The following WDFY4 variants were observed in gnomAD, a reference collection of about 807,000 sequenced individuals.
WDFY4 encodes the protein WDFY family member 4.
WDFY4 carries 169 observed loss-of-function variants against 351.9 expected under a neutral mutation model. The ratio of observed to expected loss-of-function variants is 0.48; its 90% CI spans 0.42 to 0.55. WDFY4 has a LOEUF of 0.55. WDFY4 is among the 20% of genes least tolerant of loss of function. WDFY4 has a pLI of 0.00. For missense variants in WDFY4, 3,803 were observed against 3,935.6 expected, an observed-to-expected ratio of 0.97 and a Z score of 0.90; for synonymous variants, 1,622 against 1,574.6, an observed-to-expected ratio of 1.03 and a Z score of -0.71.
At chr10:48,974,335 T>A (rs1222815802) in intron 57 of WDFY4, among the ~76,000 whole-genome samples, 1 of 151,276 alleles carries the variant, frequency 6.6e-6, no homozygotes, top group Admixed American at 6.6e-5. Flanking sequence ...AAACCCCATC[T>A]CCACTAAAAA....
rs1240413207 is a variant in WDFY4 at position 48,776,928 on chromosome 10, G to A, written c.3042G>A (p.Gln1014=). Residue 1014 remains glutamine, a synonymous_variant, in exon 16 of 62, where the codon CAG becomes CAA. Transcript: ENST00000325239. ...SMTSPRNLQP[Q]RAALAPSFVE... is the part of the protein sequence containing the mutation. ...CCTCCCCACGCAACCTGCAGCCTCA[G>A]AGGGCAGCCCTGGCCCCATCGTTTG... 6.4e-7 allele frequency: 1 copy of A among 1,552,324 alleles called. No homozygotes were observed. The highest frequency in any genetic ancestry group is 8.7e-7 in the Non-Finnish European group (1 of 1,147,118).
chr10:48,944,602 C>CTCAG (rs1421878972), intron 49 of WDFY4, among the ~76,000 whole-genome samples: 1 of 152,216 alleles, frequency 6.6e-6, no homozygotes, highest in Non-Finnish European at 1.5e-5. Context: ...GAGAAGGAGA[C>CTCAG]TCAGTCCTTT....
intron 1 of WDFY4, among the ~76,000 whole-genome samples, chr10:48,685,989 G>A (rs1182779805): frequency 6.6e-6 from 1 of 151,912 alleles, no homozygotes; most frequent in Non-Finnish European, 1.5e-5. Flanking sequence ...GTGGGTTTCT[G>A]AGAAGTGTTC....
intron 2 of WDFY4, among the ~76,000 whole-genome samples, chr10:48,712,260 A>T (rs1012863286): frequency 2.6e-5 from 4 of 152,218 alleles, no homozygotes; most frequent in Non-Finnish European, 5.9e-5. Context: ...TCAATGAGAA[A>T]CCATGAGGGT....
intron 13 of WDFY4, among the ~76,000 whole-genome samples, chr10:48,773,296 G>A (rs1427263517): frequency 6.6e-6 from 1 of 152,170 alleles, no homozygotes; most frequent in Non-Finnish European, 1.5e-5. Context: ...TCTGCATGGA[G>A]CACAGTAGCA....
chr10:48,777,462 ACT>A lies in WDFY4; in HGVS notation c.3143_3144del (p.Thr1048ArgfsTer38), dbSNP rs2066071295. 1 of 1,551,638 alleles carries A rather than the reference ACT, an allele frequency of 6.4e-7. No homozygotes were observed. The highest frequency in any genetic ancestry group is 2.0e-5 in the Admixed American group (1 of 50,990). ...PTLSTVMGTS[T>X]EYSVSGGIGT... The stretch of plus-strand genomic sequence containing the variant: ...CCTGTCCACAGTTATGGGAACCAGC[ACT>A]GAGTACTCTGTCTCTGGAGGAATTG... On this transcript the variant is annotated frameshift_variant, in exon 17 of 62. Coordinates refer to ENST00000325239, the MANE Select transcript of WDFY4 (RefSeq NM_001394531.1). LOFTEE classifies it high-confidence loss of function.
chr10:48,762,197 G>A (rs78430620), intron 13 of WDFY4, among the ~76,000 whole-genome samples: 4,386 of 152,320 alleles, frequency 0.029, 204 homozygotes, highest in African/African-American at 0.1. Flanking sequence ...TAAAAATATT[G>A]CAAGTCCTCT....
chr10:48,966,561 A>G lies in WDFY4; in HGVS notation c.8472A>G (p.Ala2824=), dbSNP rs1298735953. ...AACCTCACCCAGCCAGGACTGCAGC[A>G]GGGAAGCCTCTGCCTGGAAAGGATG... is the stretch of plus-strand genomic sequence containing the variant. ...FTKPHPARTA[A]GKPLPGKDVS... The change falls in exon 55 of 62, where the codon GCA becomes GCG. Residue 2824 remains alanine, a synonymous_variant. Transcript: ENST00000325239. 3.3e-5 allele frequency: 51 copies of G among 1,552,094 alleles called. No individual in the cohort carries two copies. Among genetic ancestry groups the G allele is most frequent in the Non-Finnish European group, 4.4e-5 (50 of 1,147,066 alleles).
At chr10:48,798,828 G>A (rs1235367383) in intron 24 of WDFY4, among the ~76,000 whole-genome samples, 1 of 152,198 alleles carries the variant, frequency 6.6e-6, no homozygotes, top group Non-Finnish European at 1.5e-5. Flanking sequence ...AGGCATAAGA[G>A]CCCTAAATAT....
chr10:48,733,204 G>A (rs770033333), intron 9 of WDFY4, among the ~76,000 whole-genome samples: 1 of 152,088 alleles, frequency 6.6e-6, no homozygotes, highest in Non-Finnish European at 1.5e-5. Flanking sequence ...ACTTTTTTGT[G>A]AGCTCATGCA....
At chr10:48,917,201 C>T (rs1196990440) in intron 47 of WDFY4, among the ~76,000 whole-genome samples, 1 of 152,046 alleles carries the variant, frequency 6.6e-6, no homozygotes, top group Non-Finnish European at 1.5e-5. Context: ...GATGAAATTG[C>T]CTAAGGATGT....
rs573793874 is a variant in WDFY4 at position 48,825,387 on chromosome 10, C to T, written c.5983-1284C>T. On this transcript the variant is annotated intron_variant, in intron 35 of 61. Coordinates refer to ENST00000325239, the MANE Select transcript of WDFY4 (RefSeq NM_001394531.1). The stretch of plus-strand genomic sequence containing the variant: ...ATAGACATTTGGGTTGATTCCATGT[C>T]TTTGCTATTGTGAATAGTGCTGCAA... 2.0e-5 allele frequency among the ~76,000 whole-genome samples: 3 copies of T among 152,204 alleles called. No individual in the cohort carries two copies. The South Asian group carries it at 6.2e-4, about 32-fold the overall frequency.
Position 48,726,016 on chromosome 10 carries a change from G to C in WDFY4, c.727G>C (p.Val243Leu), listed in dbSNP as rs1416225271. 3 of 1,551,524 alleles carry C rather than the reference G, an allele frequency of 1.9e-6. No homozygotes were observed. The highest frequency in any genetic ancestry group is 2.6e-6 in the Non-Finnish European group (3 of 1,146,974). The change falls in exon 6 of 62, where the codon GTG (valine) becomes CTG (leucine). Residue 243 changes from valine to leucine, a missense_variant. Physicochemically the swap from Val to Leu is conservative, Grantham distance 32. Transcript: ENST00000325239. The stretch of plus-strand genomic sequence containing the variant: ...CTTCTGGAAGGAACCCACCTTCTGC[G>C]TGCTAAGGGCAATCTCCAAGGCCCA... Reference protein sequence around the residue: ...CCFWKEPTFCVLRAISKAQNL... With the variant: ...CCFWKEPTFCLLRAISKAQNL...
intron 57 of WDFY4, among the ~76,000 whole-genome samples, chr10:48,973,996 G>T (rs1028255310): frequency 6.6e-6 from 1 of 152,162 alleles, no homozygotes. Context: ...TGCCTCTGAG[G>T]TTCCCTTACC....
At position 48,903,064 on chromosome 10, in the gene WDFY4, C is replaced by T. The variant is rs193131244; in HGVS notation, c.7586+1201C>T. ...GGTGGAGGTTGCAGTGAGCTGAGATCGCGCCACTGCACTCCAGCCTGGGCG... is the reference window on the plus strand; with the variant it reads ...GGTGGAGGTTGCAGTGAGCTGAGATTGCGCCACTGCACTCCAGCCTGGGCG... On this transcript the variant is annotated intron_variant, in intron 47 of 61. Transcript: ENST00000325239. Among the ~76,000 whole-genome samples the T allele has an allele frequency of 1.3e-3, 201 of 152,094 alleles. 1 individual carries two copies. The highest frequency in any genetic ancestry group is 3.4e-3 in the Middle Eastern group (1 of 294).
At chr10:48,696,457 G>A (rs1471997944) in intron 1 of WDFY4, among the ~76,000 whole-genome samples, 1 of 152,240 alleles carries the variant, frequency 6.6e-6, no homozygotes, top group African/African-American at 2.4e-5. Context: ...TCTCCACATT[G>A]TGTCCTCGCC....
At chr10:48,920,980 A>C (rs1320944015) in intron 47 of WDFY4, among the ~76,000 whole-genome samples, 2 of 152,216 alleles carry the variant, frequency 1.3e-5, no homozygotes, top group East Asian at 3.8e-4. Context: ...AAATTATAAA[A>C]TGCTGATGTA....
At chr10:48,909,668 A>C (rs1230057913) in intron 47 of WDFY4, 1 of 152,222 alleles carries the variant, frequency 6.6e-6, no homozygotes, top group African/African-American at 2.4e-5. Flanking sequence ...TCTTTTTAAC[A>C]ATCAATTTTC....
intron 39 of WDFY4, among the ~76,000 whole-genome samples, chr10:48,844,297 A>G (rs1162017941): frequency 1.3e-5 from 2 of 152,148 alleles, no homozygotes; most frequent in East Asian, 3.9e-4. Flanking sequence ...AGCAGAAGAA[A>G]GCACTGAGTC....
Sources: allele counts gnomAD v4.1 joint callset (sites outside exome capture counted in the v4.1 genomes callset), GRCh38; gene constraint gnomAD v4.1.1; transcripts MANE v1.5; gene names NCBI Gene and HGNC (gene_info 2026-07-23, HGNC 2026-07-21).